Variants in CADM2 observed in about 807,000 individuals in gnomAD.
CADM2 encodes the protein immunoglobulin superfamily member 4D.
Under a neutral mutation model 49.8 loss-of-function variants are expected in CADM2, and 12 were observed. The observed-to-expected ratio is 0.24, with a 90% CI of 0.15 to 0.39. CADM2 has a LOEUF of 0.39. Among genes scored for constraint, CADM2 ranks in the 10% least tolerant of loss-of-function variants. CADM2 has a pLI of 1.00. For missense variants in CADM2, 378 were observed against 492.3 expected (o/e 0.77, Z 2.20); for synonymous variants, 214 against 175.4 (o/e 1.22, Z -1.74).
chr3:85,437,243 A>G (rs889179389), intron 1 of CADM2, among the ~76,000 whole-genome samples: 2 of 151,950 alleles, frequency 1.3e-5, no homozygotes, highest in African/African-American at 4.8e-5. Flanking sequence ...TTATCCATTC[A>G]CCTACTGAAT....
chr3:85,949,344 T>G (rs1646638662), intron 7 of CADM2, among the ~76,000 whole-genome samples: 1 of 151,558 alleles, frequency 6.6e-6, no homozygotes, highest in East Asian at 2.0e-4. Context: ...ATATATTTTT[T>G]ATTGTATGTC....
intron 1 of CADM2, among the ~76,000 whole-genome samples, chr3:85,541,775 T>TTATATATATATATATATATA (rs10576590): frequency 5.7e-5 from 5 of 88,316 alleles, no homozygotes; most frequent in African/African-American, 1.6e-4. Flanking sequence ...ATTTTATATT[T>TTATATATATATATATATATA]TATATATATA....
chr3:85,704,903 G>T (rs1173091015), intron 1 of CADM2, among the ~76,000 whole-genome samples: 2 of 149,658 alleles, frequency 1.3e-5, no homozygotes, highest in African/African-American at 4.9e-5. Flanking sequence ...CTGTCGTCCA[G>T]GCTGGAGTGC....
chr3:85,348,020 G>T (rs1442064202), intron 1 of CADM2, among the ~76,000 whole-genome samples: 1 of 152,020 alleles, frequency 6.6e-6, no homozygotes, highest in Non-Finnish European at 1.5e-5. Context: ...TGATAACCAA[G>T]CTGGCCTTGA....
intron 8 of CADM2, among the ~76,000 whole-genome samples, chr3:86,007,225 C>G (rs559568300): frequency 2.0e-5 from 3 of 147,418 alleles, no homozygotes; most frequent in East Asian, 4.2e-4. Context: ...GCAATTTAAT[C>G]ACGTTTATGT....
chr3:85,652,291 C>T (rs530718115), intron 1 of CADM2, among the ~76,000 whole-genome samples: 3 of 152,124 alleles, frequency 2.0e-5, no homozygotes, highest in South Asian at 2.1e-4. Context: ...CAGGGGTTAG[C>T]GTGTGATATC....
chr3:85,392,227 G>GA (rs1424074510), intron 1 of CADM2, among the ~76,000 whole-genome samples: 1 of 151,922 alleles, frequency 6.6e-6, no homozygotes, highest in Non-Finnish European at 1.5e-5. Flanking sequence ...TAAAGTATGA[G>GA]AAAAAAATCA....
intron 8 of CADM2, among the ~76,000 whole-genome samples, chr3:86,011,613 G>C (rs778030451): frequency 1.3e-5 from 2 of 152,070 alleles, no homozygotes; most frequent in African/African-American, 2.4e-5. Context: ...GAAAAAGGAA[G>C]AGCAATAGTA....
intron 1 of CADM2, among the ~76,000 whole-genome samples, chr3:85,251,392 A>C (rs911674701): frequency 6.6e-5 from 10 of 152,046 alleles, no homozygotes; most frequent in Non-Finnish European, 1.0e-4. Context: ...GAAACAGATA[A>C]AAATTTTGAT....
chr3:85,403,034 G>A (rs1576489958), intron 1 of CADM2, among the ~76,000 whole-genome samples: 1 of 152,098 alleles, frequency 6.6e-6, no homozygotes, highest in Non-Finnish European at 1.5e-5. Flanking sequence ...TGAAAGGTTA[G>A]GGTGAAGCTA....
intron 1 of CADM2, among the ~76,000 whole-genome samples, chr3:85,015,702 G>A (rs2034222100): frequency 6.6e-6 from 1 of 152,258 alleles, no homozygotes; most frequent in South Asian, 2.1e-4. Context: ...AAAGTGTTTT[G>A]TGGTTTCAAG....
chr3:85,556,095 C>T (rs1416289790), intron 1 of CADM2, among the ~76,000 whole-genome samples: 1 of 152,038 alleles, frequency 6.6e-6, no homozygotes, highest in Non-Finnish European at 1.5e-5. Context: ...CTACTGATAG[C>T]CTACTGTTGA....
intron 1 of CADM2, among the ~76,000 whole-genome samples, chr3:85,118,837 C>T (rs1181881784): frequency 6.6e-6 from 1 of 152,188 alleles, no homozygotes; most frequent in Non-Finnish European, 1.5e-5. Context: ...GCAACCTCTG[C>T]CTCCTGGGTT....
At chr3:85,004,947 A>C (rs1419943486) in intron 1 of CADM2, among the ~76,000 whole-genome samples, 1 of 152,166 alleles carries the variant, frequency 6.6e-6, no homozygotes, top group Non-Finnish European at 1.5e-5. Flanking sequence ...ATGGCTCGGC[A>C]CATCCAAGTT....
At chr3:85,913,756 A>G (rs1352113108) in intron 6 of CADM2, among the ~76,000 whole-genome samples, 1 of 152,224 alleles carries the variant, frequency 6.6e-6, no homozygotes, top group African/African-American at 2.4e-5. Context: ...TTACATATTG[A>G]TAAGTACTAA....
chr3:85,758,653 T>A (rs1366809572), intron 2 of CADM2, among the ~76,000 whole-genome samples: 1 of 152,166 alleles, frequency 6.6e-6, no homozygotes, highest in Admixed American at 6.6e-5. Context: ...TTTAAGTATG[T>A]AATCCATTAA....
intron 1 of CADM2, among the ~76,000 whole-genome samples, chr3:85,205,248 C>T (rs1369879910): frequency 6.6e-6 from 1 of 152,080 alleles, no homozygotes; most frequent in South Asian, 2.1e-4. Context: ...ATCTCAAACT[C>T]CTGAGCTCAA....
intron 1 of CADM2, among the ~76,000 whole-genome samples, chr3:85,383,518 A>ATG (rs1179297599): frequency 1.4e-5 from 1 of 73,604 alleles, no homozygotes; most frequent in African/African-American, 5.7e-5. Flanking sequence ...ATATATATGT[A>ATG]TATATATATA....
chr3:85,760,475 T>A (rs1331950897), intron 2 of CADM2, among the ~76,000 whole-genome samples: 2 of 152,210 alleles, frequency 1.3e-5, no homozygotes, highest in Non-Finnish European at 2.9e-5. Flanking sequence ...ATTTGTCCAC[T>A]GCATCTGTAT....
Sources: gnomAD v4.1 joint callset for allele counts (sites outside exome capture counted in the v4.1 genomes callset) on GRCh38, gnomAD v4.1.1 for gene constraint, MANE v1.5 for transcripts, NCBI Gene and HGNC (gene_info 2026-07-23, HGNC 2026-07-21) for gene names.